The following RNF122 variants were observed in gnomAD, a reference collection of about 807,000 sequenced individuals.
The protein encoded by RNF122 is ring finger protein 122.
In RNF122, 17 loss-of-function variants were observed where a neutral mutation model predicts 24.2. The observed-to-expected ratio is 0.70, with a 90% confidence interval of 0.48 to 1.06. The LOEUF (loss-of-function observed/expected upper bound fraction) is 1.06. RNF122 is among the 50% of genes least tolerant of loss of function. The pLI, the probability that RNF122 is intolerant of heterozygous loss-of-function variation, is 0.00. For synonymous variants in RNF122, 65 were observed against 71.8 expected (o/e 0.91, Z 0.48); for missense variants, 168 against 198.1 (o/e 0.85, Z 0.91).
intron 1 of RNF122, among the ~76,000 whole-genome samples, chr8:33,562,413 G>A (rs1024331632): frequency 2.0e-5 from 3 of 151,710 alleles, no homozygotes; most frequent in African/African-American, 7.3e-5. Flanking sequence ...GTGGTGGTAA[G>A]TGCCTATAAT....
At chr8:33,563,578 A>G (rs1419279858) in intron 1 of RNF122, among the ~76,000 whole-genome samples, 4 of 152,134 alleles carry the variant, frequency 2.6e-5, no homozygotes, top group Admixed American at 6.6e-5. Flanking sequence ...TCCCCACCCA[A>G]ATATTTACTT....
rs139735001 is a variant in RNF122 at position 33,560,131 on chromosome 8, G to A, written c.26-1360C>T. On this transcript the variant is annotated intron_variant, in intron 1 of 5. Transcript: ENST00000256257. ...TGCTGGGATTACAGGCATGAGCCACGGCACCTAGCCAGGACCTACGTTTTA... is the reference window on the plus strand; with the variant it reads ...TGCTGGGATTACAGGCATGAGCCACAGCACCTAGCCAGGACCTACGTTTTA... 9.8e-3 allele frequency among the ~76,000 whole-genome samples: 1,480 copies of A among 151,604 alleles called. 20 individuals carry two copies. The highest frequency in any genetic ancestry group is 0.034 in the African/African-American group (1,415 of 41,314).
intron 1 of RNF122, 94 bp from the exon 2 acceptor site, chr8:33,558,865 C>T: frequency 1.0e-6 from 1 of 975,964 alleles, no homozygotes; most frequent in Non-Finnish European, 1.4e-6. Flanking sequence ...CTGGCAGGCT[C>T]TGGGCACCTA....
intron 1 of RNF122, among the ~76,000 whole-genome samples, chr8:33,564,448 T>G (rs1174464179): frequency 6.6e-6 from 1 of 152,100 alleles, no homozygotes; most frequent in Non-Finnish European, 1.5e-5. Context: ...TGCACACACC[T>G]GTGGTTCCAG....
At chr8:33,554,125 G>A (rs1005057660) in intron 2 of RNF122, among the ~76,000 whole-genome samples, 1 of 152,212 alleles carries the variant, frequency 6.6e-6, no homozygotes, top group African/African-American at 2.4e-5. Flanking sequence ...GGTGGCTACT[G>A]TTGCTTGACT....
In RNF122 at chr8:33,548,625, G is replaced by C; in HGVS notation, c.*128C>G. On this transcript the variant is annotated 3_prime_UTR_variant, in exon 6 of 6. Transcript: ENST00000256257. The stretch of plus-strand genomic sequence containing the variant: ...CACTGAGGGTAGAAGCCCAGTCCTA[G>C]ACCACCCTTCTCATCACTGGGAAAG... 1 of 682,262 alleles carries C rather than the reference G, an allele frequency of 1.5e-6. No individual in the cohort carries two copies. Among genetic ancestry groups the C allele is most frequent in the South Asian group, 1.7e-5 (1 of 59,526 alleles). 42.3% of individuals were successfully genotyped at this position (682,262 alleles called of 1,614,324 possible).
chr8:33,550,778 T>C (rs76535033), intron 4 of RNF122, among the ~76,000 whole-genome samples: 2,359 of 152,260 alleles, frequency 0.015, 30 homozygotes, highest in African/African-American at 0.034. Context: ...GTAAAAATTA[T>C]GTATTGTGGG....
In RNF122 at chr8:33,548,690, G is replaced by T; in HGVS notation, c.*63C>A. The stretch of plus-strand genomic sequence containing the variant: ...CTACAGTCCTGTTGGTTGGAGCTGT[G>T]CAGAGGGACCAGACATCCATGAGGC... On this transcript the variant is annotated 3_prime_UTR_variant, in exon 6 of 6. Transcript: ENST00000256257. 9.9e-7 allele frequency: 1 copy of T among 1,009,112 alleles called. No individual in the cohort carries two copies. 62.5% of individuals were successfully genotyped at this position (1,009,112 alleles called of 1,614,324 possible).
chr8:33,556,333 C>T (rs1440999589), intron 2 of RNF122, among the ~76,000 whole-genome samples: 1 of 151,654 alleles, frequency 6.6e-6, no homozygotes, highest in African/African-American at 2.4e-5. Flanking sequence ...AGGCTGGTTT[C>T]AAACTCTTGG....
chr8:33,564,831 C>G (rs903324775), intron 1 of RNF122, among the ~76,000 whole-genome samples: 4 of 152,056 alleles, frequency 2.6e-5, no homozygotes, highest in Non-Finnish European at 5.9e-5. Flanking sequence ...GAGATCACAC[C>G]ATTGCACTCC....
In RNF122 at chr8:33,549,384, G is replaced by A. The variant is rs777295754; in HGVS notation, c.353+26C>T. 5 of 1,588,168 alleles carry A rather than the reference G, an allele frequency of 3.1e-6. No homozygotes were observed. The South Asian group carries it at 4.4e-5, about 14-fold the overall frequency. ...CTCCCTGATTATTTCTCCTTCGACG[G>A]GCACCCTGGACACATTCCCACGTAC... On this transcript the variant is annotated intron_variant, in intron 5 of 5. Coordinates refer to ENST00000256257, the MANE Select transcript of RNF122 (RefSeq NM_024787.3).
rs1810605952 is a variant in RNF122, at chr8:33,565,316, G to C, written c.25+1383C>G. Among the ~76,000 whole-genome samples the C allele has an allele frequency of 3.3e-5, 5 of 152,080 alleles. No individual in the cohort carries two copies. The South Asian group carries it at 1.0e-3, about 32-fold the overall frequency. ...GGGGTATACATGCTACCCAAACCCT[G>C]CCTCAAAACAAAGCCTCTTGACATA... On this transcript the variant is annotated intron_variant, in intron 1 of 5. Transcript: ENST00000256257.
At chr8:33,554,077 A>G (rs1187928926) in intron 2 of RNF122, among the ~76,000 whole-genome samples, 2 of 152,134 alleles carry the variant, frequency 1.3e-5, no homozygotes, top group Non-Finnish European at 2.9e-5. Context: ...CTCTGTTCCA[A>G]TTTCCAAATG....
At chr8:33,549,568 A>G in intron 4 of RNF122, 76 bp from the exon 5 acceptor site, 6 of 1,106,612 alleles carry the variant, frequency 5.4e-6, no homozygotes, top group Non-Finnish European at 8.3e-6. Flanking sequence ...AAGAAAACTA[A>G]GCTCTAGCCT....
chr8:33,549,644 A>T, intron 4 of RNF122, 152 bp from the exon 5 acceptor site: 1 of 615,298 alleles, frequency 1.6e-6, no homozygotes. Context: ...ATGGCATGGT[A>T]GTCATTAACC....
intron 4 of RNF122, among the ~76,000 whole-genome samples, 169 bp downstream of exon 4, chr8:33,550,875 A>G (rs1810363653): frequency 6.6e-6 from 1 of 152,052 alleles, no homozygotes; most frequent in African/African-American, 2.4e-5. Flanking sequence ...GGTGTAATCA[A>G]TTCCACATAT....
At chr8:33,563,517 TTG>T (rs1193240380) in intron 1 of RNF122, among the ~76,000 whole-genome samples, 1 of 152,202 alleles carries the variant, frequency 6.6e-6, no homozygotes, top group African/African-American at 2.4e-5. Flanking sequence ...AGGAAGTTCC[TTG>T]TGTCTAGGCT....
At chr8:33,554,648 G>A (rs1310716221) in intron 2 of RNF122, among the ~76,000 whole-genome samples, 1 of 152,220 alleles carries the variant, frequency 6.6e-6, no homozygotes, top group East Asian at 1.9e-4. Flanking sequence ...CTGGACAGGT[G>A]GCCTTCTCAG....
At chr8:33,549,573 T>C in intron 4 of RNF122, 81 bp from the exon 5 acceptor site, 1 of 1,035,420 alleles carries the variant, frequency 9.7e-7, no homozygotes, top group Non-Finnish European at 1.5e-6. Context: ...AACTAAGCTC[T>C]AGCCTAGTCT....
Sources: allele counts gnomAD v4.1 joint callset (sites outside exome capture counted in the v4.1 genomes callset), GRCh38; gene constraint gnomAD v4.1.1; transcripts MANE v1.5; gene names NCBI Gene and HGNC (gene_info 2026-07-23, HGNC 2026-07-21).